The following SRCAP variants were observed in gnomAD, a reference collection of about 807,000 sequenced individuals.
SRCAP encodes the protein chromatin remodeling protein SRCAP.
In SRCAP, 46 loss-of-function variants were observed where a neutral mutation model predicts 263.1. The observed-to-expected ratio is 0.17, with a 90% CI of 0.14 to 0.22. The LOEUF (loss-of-function observed/expected upper bound fraction) is 0.22. SRCAP is among the 10% of genes least tolerant of loss of function. The pLI is 1.00. For missense variants in SRCAP, 3,695 were observed against 4,181.9 expected (o/e 0.88, Z 3.21); for synonymous variants, 1,813 against 1,662.1 (o/e 1.09, Z -2.21).
intron 2 of SRCAP, among the ~76,000 whole-genome samples, chr16:30,700,202 T>G (rs891706989): frequency 1.5e-4 from 23 of 152,210 alleles, no homozygotes. Context: ...AGTAGCAGGT[T>G]TTCCTTGGTT....
rs2052737622 is a variant in SRCAP at position 30,699,188 on chromosome 16, G to C, written c.-338G>C. 1 of 398,660 alleles carries C rather than the reference G, an allele frequency of 2.5e-6. No homozygotes were observed. Among genetic ancestry groups the C allele is most frequent in the South Asian group, 1.3e-4 (1 of 7,880 alleles). The allele number at this position is 398,660 out of a possible 1,614,324, so 24.7% of individuals were successfully genotyped here. On this transcript the variant is annotated 5_prime_UTR_variant, in exon 1 of 34. Transcript: ENST00000262518. The stretch of plus-strand genomic sequence containing the variant: ...CACGCGAGGTCAGTCCGTCGGGAGG[G>C]CTAGGGAGATGGTCACGAAACCTGA...
chr16:30,707,595 C>G lies in SRCAP; in HGVS notation c.516C>G (p.His172Gln). The change falls in exon 6 of 34, where the codon CAC (histidine) becomes CAG (glutamine). Residue 172 changes from histidine (H) to glutamine (Q), a missense_variant. Around this residue, in one of 12 missense-constraint regions of SRCAP, gnomAD observed 107 missense variants for 223.8 expected, o/e 0.48. Transcript: ENST00000262518. ...AGGTGGTGCGCATGGTGATCCGGCA[C>G]CACGAGGAGCAGCGGCAGAAAGAGG... ...ARKVVRMVIR[H>Q]HEEQRQKEER... 4 of 1,613,698 alleles carry G rather than the reference C, an allele frequency of 2.5e-6. No homozygotes were observed. The highest frequency in any genetic ancestry group is 3.4e-6 in the Non-Finnish European group (4 of 1,179,810).
chr16:30,723,502 T>TG, intron 24 of SRCAP, 82 bp from the exon 25 acceptor site: 1 of 1,525,058 alleles, frequency 6.6e-7, no homozygotes, highest in South Asian at 1.3e-5. Context: ...ATGGGAAGCT[T>TG]GGGGGTATGG....
chr16:30,723,721 G>C lies in SRCAP; in HGVS notation c.4297G>C (p.Val1433Leu). 6.2e-7 allele frequency: 1 copy of C among 1,614,000 alleles called. No homozygotes were observed. Among genetic ancestry groups the C allele is most frequent in the Non-Finnish European group, 8.5e-7 (1 of 1,179,972 alleles). ...LASPVSSTVS[V>L]PLSSSLPISV... ...TAGTCCTGTGTCCTCTACAGTCTCAGTTCCATTGTCATCTTCACTCCCCAT... is the reference window on the plus strand; with the variant it reads ...TAGTCCTGTGTCCTCTACAGTCTCACTTCCATTGTCATCTTCACTCCCCAT... Residue 1433 changes from valine (V) to leucine (L), a missense_variant, in exon 25 of 34, where the codon GTT (valine) becomes CTT (leucine). Physicochemically the swap from Val to Leu is conservative, Grantham distance 32. Coordinates refer to ENST00000262518, the MANE Select transcript of SRCAP (RefSeq NM_006662.3).
At position 30,738,550 on chromosome 16, in the gene SRCAP, G is replaced by A. The variant is rs780189416; in HGVS notation, c.8510G>A (p.Gly2837Asp). ...CGTCACATTGAGCTGGGGGTGACTG[G>A]TGGTGGCAGCCCCGAGAATGGAGAC... ...ARRHIELGVT[G>D]GGSPENGDGA... The change falls in exon 34 of 34, where the codon GGT becomes GAT. Residue 2837 changes from glycine to aspartate, a missense_variant. This residue lies in a region of SRCAP where 1,207 missense variants were observed against 1,142.9 expected (regional missense o/e 1.06). Coordinates refer to ENST00000262518, the MANE Select transcript of SRCAP (RefSeq NM_006662.3). 2 of 1,611,694 alleles carry A rather than the reference G, an allele frequency of 1.2e-6. No individual in the cohort carries two copies. The highest frequency in any genetic ancestry group is 1.7e-6 in the Non-Finnish European group (2 of 1,178,784).
intron 25 of SRCAP, chr16:30,726,334 A>C (rs936648157): frequency 6.6e-6 from 1 of 152,176 alleles, no homozygotes; most frequent in African/African-American, 2.4e-5. Flanking sequence ...TTTCATGTAC[A>C]AGTTTTTGTA....
rs1201271218 is a variant in SRCAP, at chr16:30,707,556, G to T, written c.493-16G>T. 1 of 1,611,716 alleles carries T rather than the reference G, an allele frequency of 6.2e-7. No homozygotes were observed. Among genetic ancestry groups the T allele is most frequent in the Non-Finnish European group, 8.5e-7 (1 of 1,179,030 alleles). ...CTGGCTTTGAGTGTTTTCACCCTGG[G>T]TCTTCATTCCCACAGGTGGTGCGCA... On this transcript the variant is annotated splice_polypyrimidine_tract_variant and intron_variant, in intron 5 of 33. Coordinates refer to ENST00000262518, the MANE Select transcript of SRCAP (RefSeq NM_006662.3).
intron 25 of SRCAP, chr16:30,726,344 A>G (rs1449335447): frequency 6.6e-6 from 1 of 152,200 alleles, no homozygotes; most frequent in Non-Finnish European, 1.5e-5. Context: ...AAGTTTTTGT[A>G]TGGACAGGTG....
Position 30,724,968 on chromosome 16 carries a change from T to G in SRCAP, c.5544T>G (p.Pro1848=). The G allele has an allele frequency of 6.2e-7, 1 of 1,614,206 alleles. No individual in the cohort carries two copies. Among genetic ancestry groups the G allele is most frequent in the Non-Finnish European group, 8.5e-7 (1 of 1,180,036 alleles). ...GGCTGCCTGTTTCCAAGGATGAGCC[T>G]GACACACTGACATTGCGCTCTGGTC... is the stretch of plus-strand genomic sequence containing the variant. ...VSRLPVSKDE[P]DTLTLRSGPP... Residue 1848 remains proline, a synonymous_variant, in exon 25 of 34, where the codon CCT becomes CCG. Transcript: ENST00000262518.
rs199646032 is a variant in SRCAP at position 30,737,212 on chromosome 16, C to T, written c.7172C>T (p.Pro2391Leu). The T allele has an allele frequency of 3.2e-5, 52 of 1,613,916 alleles. No individual in the cohort carries two copies. Among genetic ancestry groups the T allele is most frequent in the South Asian group, 2.0e-4 (18 of 91,082 alleles). The change falls in exon 34 of 34, where the codon CCG (proline) becomes CTG (leucine). Residue 2391 changes from proline to leucine, a missense_variant. Physicochemically the swap from Pro to Leu is moderately conservative, Grantham distance 98. Around this residue, in one of 12 missense-constraint regions of SRCAP, gnomAD observed 1,207 missense variants for 1,142.9 expected, o/e 1.06. Transcript: ENST00000262518. ...RSKKAKAPER[P>L]GTRVSERLRG... ...AAAAAGGCCAAAGCCCCTGAGAGGC[C>T]GGGGACTCGTGTCAGTGAGCGTCTT...
chr16:30,712,176 C>T lies in SRCAP; in HGVS notation c.1815+19C>T. 1 of 1,607,950 alleles carries T rather than the reference C, an allele frequency of 6.2e-7. No homozygotes were observed. The stretch of plus-strand genomic sequence containing the variant: ...GACCCAGGTATCCCCAGGTTCTGGC[C>T]TCTCCTTTCTCATGTCTTGACTTTC... On this transcript the variant is annotated intron_variant, in intron 12 of 33. Coordinates refer to ENST00000262518, the MANE Select transcript of SRCAP (RefSeq NM_006662.3).
At chr16:30,736,136 C>T (rs2151299534) in intron 31 of SRCAP, 64 bp from the exon 32 acceptor site, 1 of 1,592,258 alleles carries the variant, frequency 6.3e-7, no homozygotes, top group Non-Finnish European at 8.5e-7. Flanking sequence ...TTGCCTGAAT[C>T]AAATCACAGG....
chr16:30,708,070 G>A (rs1025899343), intron 6 of SRCAP, among the ~76,000 whole-genome samples: 8 of 152,104 alleles, frequency 5.3e-5, no homozygotes, highest in Admixed American at 1.3e-4. Context: ...CTGTATTTTC[G>A]GTCTTGCCTC....
At chr16:30,727,497 C>G (rs555033435) in intron 25 of SRCAP, among the ~76,000 whole-genome samples, 1 of 152,146 alleles carries the variant, frequency 6.6e-6, no homozygotes. Context: ...AGTGAACCTC[C>G]CATCTCAGCC....
chr16:30,716,534 A>C, intron 18 of SRCAP, 55 bp downstream of exon 18: 1 of 1,506,536 alleles, frequency 6.6e-7, no homozygotes, highest in East Asian at 2.3e-5. Flanking sequence ...TACTCCAACC[A>C]TGTACCTCTT....
In SRCAP at chr16:30,736,234, G is replaced by T. The variant is rs1414218367; in HGVS notation, c.6764G>T (p.Arg2255Leu). The T allele has an allele frequency of 6.2e-7, 1 of 1,614,096 alleles. No individual in the cohort carries two copies. The highest frequency in any genetic ancestry group is 8.5e-7 in the Non-Finnish European group (1 of 1,180,024). Residue 2255 changes from arginine (R) to leucine (L), a missense_variant, in exon 32 of 34, where the codon CGT becomes CTT. By Grantham distance (102) the Arg-to-Leu change is moderately radical (BLOSUM62 -2). Coordinates refer to ENST00000262518, the MANE Select transcript of SRCAP (RefSeq NM_006662.3). ...CGGGCAGAAGATGAAGAGGATATCC[G>T]TGCAGCCACCCAGGCCAAGGCTGAA... is the stretch of plus-strand genomic sequence containing the variant. The part of the protein sequence containing the change: ...LCRAEDEEDI[R>L]AATQAKAEQV...
intron 18 of SRCAP, 133 bp downstream of exon 18, chr16:30,716,612 C>A: frequency 2.5e-6 from 2 of 805,584 alleles, no homozygotes; most frequent in Non-Finnish European, 2.0e-6. Flanking sequence ...TTTTATTGTA[C>A]TCTAGCCATG....
Position 30,710,965 on chromosome 16 carries a change from A to G in SRCAP, c.1229-34A>G, listed in dbSNP as rs199503738. On this transcript the variant is annotated intron_variant, in intron 9 of 33. Coordinates refer to ENST00000262518, the MANE Select transcript of SRCAP (RefSeq NM_006662.3). ...ACTGTGTCCTGTGCCTCTAGCCTCT[A>G]TCCCTATTAATCTTGCTTCTGTCTC... 19 of 1,602,882 alleles carry G rather than the reference A, an allele frequency of 1.2e-5. No homozygotes were observed. The Admixed American group carries it at 2.2e-4, about 18-fold the overall frequency.
In SRCAP at chr16:30,713,347, A is replaced by G. The variant is rs769197796; in HGVS notation, c.2270A>G (p.Gln757Arg). Residue 757 changes from glutamine (Q) to arginine (R), a missense_variant, in exon 15 of 34, where the codon CAG becomes CGG. This residue lies in a region of SRCAP where 121 missense variants were observed against 330.7 expected (regional missense o/e 0.37). Transcript: ENST00000262518. ...CAGAACATCAAGAACTTCAAGTCAC[A>G]GCGCTGGCAGTCACTCCTCAACTTC... ...EAQNIKNFKS[Q>R]RWQSLLNFNS... The G allele has an allele frequency of 6.2e-7, 1 of 1,614,168 alleles. No individual in the cohort carries two copies. Among genetic ancestry groups the G allele is most frequent in the Non-Finnish European group, 8.5e-7 (1 of 1,180,030 alleles).
Sources: gnomAD v4.1 joint callset for allele counts (sites outside exome capture counted in the v4.1 genomes callset) on GRCh38, gnomAD v4.1.1 for gene constraint, gnomAD v4.1.1 regional missense constraint, MANE v1.5 for transcripts, NCBI Gene and HGNC (gene_info 2026-07-23, HGNC 2026-07-21) for gene names.